Variants in ALG8 observed in about 807,000 individuals in gnomAD.
ALG8 encodes the protein dolichyl pyrophosphate Glc1Man9GlcNAc2 alpha-1,3-glucosyltransferase.
In ALG8, 48 loss-of-function variants were observed where a neutral mutation model predicts 70.2. The ratio of observed to expected loss-of-function variants is 0.68; its 90% confidence interval spans 0.54 to 0.87. ALG8 has a LOEUF of 0.87. Ranked by LOEUF, ALG8 falls within the 40% of genes least tolerant of loss-of-function variation. The pLI, the probability that ALG8 is intolerant of heterozygous loss-of-function variation, is 0.00. For synonymous variants in ALG8, 234 were observed against 229.0 expected (o/e 1.02, Z -0.20); for missense variants, 572 against 608.7 (o/e 0.94, Z 0.64).
At position 78,103,951 on chromosome 11, in the gene ALG8, AG is replaced by A. The variant is rs1397396038; in HGVS notation, c.1349+28del. 2.5e-6 allele frequency: 3 copies of A among 1,224,172 alleles called. No homozygotes were observed. The Admixed American group carries it at 5.4e-5, about 22-fold the overall frequency. 75.8% of individuals were successfully genotyped at this position (1,224,172 alleles called of 1,614,324 possible). A position where few individuals can be genotyped will look rare whatever the true frequency, so the allele number is the denominator to read the frequency against. Reference sequence around the variant, plus strand: ...TAGGTGTAAACATTTCACAAGAGTAAGTATAATTTTAAACATTTTTTTGATT... The same window carrying A: ...TAGGTGTAAACATTTCACAAGAGTAATATAATTTTAAACATTTTTTTGATT... On this transcript the variant is annotated intron_variant, in intron 12 of 12. Transcript: ENST00000299626.
intron 8 of ALG8, 110 bp downstream of exon 8, chr11:78,112,540 G>A: frequency 6.6e-7 from 1 of 1,520,448 alleles, no homozygotes. Context: ...ATGCAGGACT[G>A]GAGAACAAAC....
intron 1 of ALG8, among the ~76,000 whole-genome samples, chr11:78,130,327 A>G (rs938401480): frequency 3.5e-5 from 5 of 144,592 alleles, no homozygotes; most frequent in African/African-American, 1.3e-4. Context: ...CCAGCATGGG[A>G]GACAGAGCAA....
At chr11:78,123,439 A>G (rs1232972683) in intron 3 of ALG8, among the ~76,000 whole-genome samples, 4 of 152,084 alleles carry the variant, frequency 2.6e-5, no homozygotes, top group African/African-American at 9.7e-5. Flanking sequence ...CAATACTTAA[A>G]ATTAACTTAT....
intron 3 of ALG8, among the ~76,000 whole-genome samples, chr11:78,121,997 C>T (rs751413407): frequency 1.3e-5 from 2 of 152,116 alleles, no homozygotes; most frequent in Non-Finnish European, 2.9e-5. Context: ...AACTAACATA[C>T]ACCAAAATGT....
At chr11:78,118,687 T>C (rs189530381) in intron 5 of ALG8, among the ~76,000 whole-genome samples, 1 of 150,966 alleles carries the variant, frequency 6.6e-6, no homozygotes, top group East Asian at 1.9e-4. Flanking sequence ...CTCATGCTTA[T>C]AATTCCAGCA....
intron 1 of ALG8, among the ~76,000 whole-genome samples, chr11:78,128,697 G>T (rs529541993): frequency 6.7e-6 from 1 of 149,330 alleles, no homozygotes; most frequent in Non-Finnish European, 1.5e-5. Context: ...TGCAAACTCC[G>T]TCTCCCAGGT....
chr11:78,124,280 T>G, intron 2 of ALG8, 66 bp from the exon 3 acceptor site: 2 of 1,541,954 alleles, frequency 1.3e-6, no homozygotes, highest in Admixed American at 3.4e-5. Context: ...GTGCAACGAT[T>G]TAAAATTTTT....
intron 1 of ALG8, among the ~76,000 whole-genome samples, chr11:78,130,114 G>A (rs1244699640): frequency 6.6e-6 from 1 of 152,122 alleles, no homozygotes; most frequent in Non-Finnish European, 1.5e-5. Flanking sequence ...CACTTCGGGA[G>A]GCCAAGGCGG....
At chr11:78,130,379 C>G (rs1227334470) in intron 1 of ALG8, among the ~76,000 whole-genome samples, 3 of 81,846 alleles carry the variant, frequency 3.7e-5, no homozygotes, top group Non-Finnish European at 7.2e-5. Context: ...GTGAGAATAT[C>G]AATACCTTTA....
chr11:78,120,182 T>A (rs1565354808), intron 4 of ALG8, among the ~76,000 whole-genome samples: 2 of 152,088 alleles, frequency 1.3e-5, no homozygotes, highest in East Asian at 1.9e-4. Flanking sequence ...AAATTTTTTT[T>A]ATTTAAAAAC....
Position 78,138,504 on chromosome 11 carries a change from G to C in ALG8, c.95+990C>G, listed in dbSNP as rs190801701. 3.9e-5 allele frequency among the ~76,000 whole-genome samples: 6 copies of C among 152,080 alleles called. No homozygotes were observed. In the East Asian group the frequency reaches 5.8e-4, roughly 15 times the overall value. Reference sequence around the variant, plus strand: ...ATTCCACTTACATGATTACATATACGCATCAGTATGGACTTACATTCTATA... The same window carrying C: ...ATTCCACTTACATGATTACATATACCCATCAGTATGGACTTACATTCTATA... On this transcript the variant is annotated intron_variant, in intron 1 of 12. Transcript: ENST00000299626.
Position 78,127,049 on chromosome 11 carries a change from G to A in ALG8, c.174+309C>T, listed in dbSNP as rs59156876. 4.9e-4 allele frequency among the ~76,000 whole-genome samples: 75 copies of A among 151,630 alleles called. 1 individual carries two copies. The highest frequency in any genetic ancestry group is 1.7e-3 in the African/African-American group (72 of 41,364). On this transcript the variant is annotated intron_variant, in intron 2 of 12. Coordinates refer to ENST00000299626, the MANE Select transcript of ALG8 (RefSeq NM_024079.5). ...GGCTGGAGTGCAGTGGCGCGATCTC[G>A]GCTCACTGCAACCTCCGCCTCCCAG...
At chr11:78,130,959 A>C (rs1214229806) in intron 1 of ALG8, among the ~76,000 whole-genome samples, 2 of 152,120 alleles carry the variant, frequency 1.3e-5, no homozygotes, top group Non-Finnish European at 2.9e-5. Flanking sequence ...TGTTTCTCTG[A>C]TAATTCCTGT....
rs1815861 is a variant in ALG8, at chr11:78,127,090, C to T, written c.174+268G>A. Among the ~76,000 whole-genome samples, 32,984 of 151,692 alleles carry T rather than the reference C, an allele frequency of 0.22. 4,397 individuals carry two copies. Among genetic ancestry groups the T allele is most frequent in the African/African-American group, 0.38 (15,657 of 41,224 alleles). On this transcript the variant is annotated intron_variant, in intron 2 of 12. Transcript: ENST00000299626. ...CGCCTCCCAGGTTCAAGTGATTTTCCTGCCTCAGCTCCTGAGTAGCTGGGA... is the reference window on the plus strand; with the variant it reads ...CGCCTCCCAGGTTCAAGTGATTTTCTTGCCTCAGCTCCTGAGTAGCTGGGA...
At chr11:78,114,797 C>T (rs1421089326) in intron 5 of ALG8, 5 of 380,432 alleles carry the variant, frequency 1.3e-5, no homozygotes, top group Non-Finnish European at 2.6e-5. Context: ...GAGGCCCTGT[C>T]TCTACAAAAA....
intron 1 of ALG8, among the ~76,000 whole-genome samples, chr11:78,128,780 T>TC (rs1185628917): frequency 1.3e-5 from 2 of 151,750 alleles, no homozygotes; most frequent in African/African-American, 4.8e-5. Flanking sequence ...CTGGCTAATT[T>TC]TTTTTTTTGT....
In ALG8 at chr11:78,107,694, T is replaced by A. The variant is rs148114820; in HGVS notation, c.1039-748A>T. The A allele has an allele frequency of 8.0e-3, 1,480 of 185,706 alleles. 24 individuals carry two copies. The highest frequency in any genetic ancestry group is 0.032 in the African/African-American group (1,338 of 41,504). 11.5% of individuals were successfully genotyped at this position (185,706 alleles called of 1,614,324 possible). A position where few individuals can be genotyped will look rare whatever the true frequency, so the allele number is the denominator to read the frequency against. On this transcript the variant is annotated intron_variant, in intron 9 of 12. Transcript: ENST00000299626. ...TCTCTACTAAAAATACAAAAAAAAC[T>A]AGCTGGGCGTGGTGGTACATACCTG...
intron 9 of ALG8, 113 bp from the exon 10 acceptor site, chr11:78,107,059 A>C (rs977399269): frequency 7.0e-5 from 90 of 1,290,354 alleles, no homozygotes; most frequent in Non-Finnish European, 9.1e-5. Context: ...AATCTTAGAC[A>C]ATTCTTCATG....
chr11:78,139,177 C>T (rs899701265), intron 1 of ALG8: 1 of 413,884 alleles, frequency 2.4e-6, no homozygotes, highest in African/African-American at 2.0e-5. Context: ...CGGTACCTGG[C>T]ACCTCAGGCA....
Sources: gnomAD v4.1 joint callset for allele counts (sites outside exome capture counted in the v4.1 genomes callset) on GRCh38, gnomAD v4.1.1 for gene constraint, MANE v1.5 for transcripts, NCBI Gene and HGNC (gene_info 2026-07-23, HGNC 2026-07-21) for gene names.